ST14: variants seen among roughly 807,000 people sequenced by gnomAD.
ST14 encodes suppressor of tumorigenicity 14 protein.
In ST14, 40 loss-of-function variants were observed where a neutral mutation model predicts 96.5. The observed-to-expected ratio is 0.41, with a 90% confidence interval of 0.32 to 0.54. ST14 has a LOEUF of 0.54. ST14 is among the 20% of genes least tolerant of loss of function. The pLI is 0.17. For missense variants in ST14, 1,066 were observed against 1,188.9 expected (o/e 0.90, Z 1.52); for synonymous variants, 506 against 492.1 (o/e 1.03, Z -0.37).
At position 130,187,998 on chromosome 11, in the gene ST14, C is replaced by T; in HGVS notation, c.82-116C>T. Reference sequence around the variant, plus strand: ...TGGGGGAAGCCCCCTTCTTCTCACCCAAGCCCCTGCTTTCTTCTCCAAGCT... The same window carrying T: ...TGGGGGAAGCCCCCTTCTTCTCACCTAAGCCCCTGCTTTCTTCTCCAAGCT... On this transcript the variant is annotated intron_variant, in intron 1 of 18. Coordinates refer to ENST00000278742, the MANE Select transcript of ST14 (RefSeq NM_021978.4). This position sits in a 1 kb window ranked among gnomAD's most constrained non-coding sequence, Gnocchi z 4.5. 3 of 1,441,158 alleles carry T rather than the reference C, an allele frequency of 2.1e-6. No homozygotes were observed. Among genetic ancestry groups the T allele is most frequent in the South Asian group, 2.5e-5 (2 of 80,708 alleles). The allele number at this position is 1,441,158 out of a possible 1,614,324, so 89.3% of individuals were successfully genotyped here. A position where few individuals can be genotyped will look rare whatever the true frequency, so the allele number is the denominator to read the frequency against.
intron 4 of ST14, 59 bp from the exon 5 acceptor site, chr11:130,189,680 G>GGC (rs1285548932): frequency 6.3e-6 from 10 of 1,598,504 alleles, no homozygotes; most frequent in African/African-American, 1.3e-5. Flanking sequence ...AGTCGCTCTG[G>GGC]GCGCACGTGG....
At chr11:130,164,566 G>A (rs1253461244) in intron 1 of ST14, among the ~76,000 whole-genome samples, 1 of 151,640 alleles carries the variant, frequency 6.6e-6, no homozygotes, top group Non-Finnish European at 1.5e-5. Flanking sequence ...CTACAGGTGG[G>A]CACCAGCACG....
intron 7 of ST14, among the ~76,000 whole-genome samples, chr11:130,193,861 GCGCCTTC>G: frequency 6.6e-6 from 1 of 151,332 alleles, no homozygotes; most frequent in African/African-American, 2.4e-5. Flanking sequence ...TTTATCACTA[GCGCCTTC>G]CATCAGTGAT....
chr11:130,192,777 T>C (rs1204244841), intron 7 of ST14, among the ~76,000 whole-genome samples: 1 of 152,224 alleles, frequency 6.6e-6, no homozygotes, highest in African/African-American at 2.4e-5. Flanking sequence ...TCTCATTACC[T>C]GCTTTAACAA....
At chr11:130,196,476 C>T (rs776309558) in intron 10 of ST14, 28 bp downstream of exon 10, 19 of 1,595,426 alleles carry the variant, frequency 1.2e-5, no homozygotes, top group Admixed American at 5.2e-5. Context: ...TGGGGGCTGC[C>T]GGGCCCATGC....
chr11:130,202,382 A>C (rs1281727844), intron 16 of ST14, among the ~76,000 whole-genome samples: 1 of 152,198 alleles, frequency 6.6e-6, no homozygotes, highest in African/African-American at 2.4e-5. Flanking sequence ...GGTAGGGACA[A>C]GACATGACAC....
intron 1 of ST14, among the ~76,000 whole-genome samples, chr11:130,165,929 A>C (rs1039694098): frequency 8.5e-5 from 13 of 152,204 alleles, no homozygotes; most frequent in Non-Finnish European, 1.0e-4. Flanking sequence ...TGTGTTCCTG[A>C]GATGATGGTG....
intron 9 of ST14, among the ~76,000 whole-genome samples, chr11:130,195,576 C>T (rs1001707178): frequency 3.1e-4 from 47 of 152,080 alleles, no homozygotes; most frequent in African/African-American, 1.1e-3. Context: ...CCAGGAGGGC[C>T]GGGCGCAGTG....
In ST14 at chr11:130,163,598, G is replaced by A. The variant is rs138255868; in HGVS notation, c.81+3538G>A. ...TTTTTTGTTCTCTAGAGCATGTGCT[G>A]GGCAGGTGTGTGCAGTGGGTGAGGA... On this transcript the variant is annotated intron_variant, in intron 1 of 18. Coordinates refer to ENST00000278742, the MANE Select transcript of ST14 (RefSeq NM_021978.4). Among the ~76,000 whole-genome samples, 9 of 152,248 alleles carry A rather than the reference G, an allele frequency of 5.9e-5. No homozygotes were observed. In the East Asian group the frequency reaches 1.5e-3, roughly 26 times the overall value.
Position 130,160,876 on chromosome 11 carries a change from A to G in ST14, c.81+816A>G, listed in dbSNP as rs555967318. Among the ~76,000 whole-genome samples, 32 of 152,296 alleles carry G rather than the reference A, an allele frequency of 2.1e-4. No individual in the cohort carries two copies. In the East Asian group the frequency reaches 6.2e-3, roughly 29 times the overall value. ...GGTCTCTACCCTCTCTGTCCAAGGC[A>G]GACCCCCAGGTTTCCTGGAAGGCCA... On this transcript the variant is annotated intron_variant, in intron 1 of 18. Coordinates refer to ENST00000278742, the MANE Select transcript of ST14 (RefSeq NM_021978.4).
At chr11:130,174,583 A>T (rs1953119826) in intron 1 of ST14, among the ~76,000 whole-genome samples, 1 of 152,166 alleles carries the variant, frequency 6.6e-6, no homozygotes, top group South Asian at 2.1e-4. Flanking sequence ...AAGTAACTCC[A>T]TCTTAGAAAA....
At chr11:130,197,418 T>C (rs1410222629) in intron 11 of ST14, among the ~76,000 whole-genome samples, 2 of 152,260 alleles carry the variant, frequency 1.3e-5, no homozygotes, top group Non-Finnish European at 2.9e-5. Flanking sequence ...AAGTGCGCGA[T>C]GCCGCACTAC....
intron 1 of ST14, among the ~76,000 whole-genome samples, chr11:130,163,552 A>G (rs1178595737): frequency 6.6e-6 from 1 of 152,206 alleles, no homozygotes; most frequent in Non-Finnish European, 1.5e-5. Context: ...CTGTGCCCAC[A>G]TAAAACTTTA....
chr11:130,188,792 G>A lies in ST14; in HGVS notation c.370-77G>A. On this transcript the variant is annotated intron_variant, in intron 3 of 18. Coordinates refer to ENST00000278742, the MANE Select transcript of ST14 (RefSeq NM_021978.4). The surrounding 1 kb of genome is among the most constrained non-coding windows in gnomAD (Gnocchi z 5.4). ...ATCTGCAAAGGGGACCCGGGCCCTG[G>A]AGGGGAGGGAGCAGCCCGGGCTTGG... 1 of 1,604,176 alleles carries A rather than the reference G, an allele frequency of 6.2e-7. No homozygotes were observed. Among genetic ancestry groups the A allele is most frequent in the South Asian group, 1.1e-5 (1 of 90,480 alleles).
intron 16 of ST14, among the ~76,000 whole-genome samples, chr11:130,202,724 G>T (rs1260123345): frequency 6.6e-6 from 1 of 152,226 alleles, no homozygotes; most frequent in Non-Finnish European, 1.5e-5. Context: ...GCGGTTAAAT[G>T]CACAGGCTGC....
intron 9 of ST14, among the ~76,000 whole-genome samples, chr11:130,195,459 G>A (rs1369937749): frequency 6.6e-6 from 1 of 152,122 alleles, no homozygotes; most frequent in African/African-American, 2.4e-5. Flanking sequence ...TCTCAGAGGC[G>A]CCGTCAGGAA....
intron 14 of ST14, 59 bp downstream of exon 14, chr11:130,198,680 T>G: frequency 1.3e-6 from 2 of 1,505,234 alleles, no homozygotes; most frequent in Non-Finnish European, 1.8e-6. Flanking sequence ...GAGGCTGCCC[T>G]GAGCACACGC....
In ST14 at chr11:130,159,882, C is replaced by A. The variant is rs1168022106; in HGVS notation, c.-98C>A. On this transcript the variant is annotated 5_prime_UTR_variant, in exon 1 of 19. Coordinates refer to ENST00000278742, the MANE Select transcript of ST14 (RefSeq NM_021978.4). ...CGGGCGCGCTGGGCCTGCCCGGAAT[C>A]CCGCCGCCTGCGCCCCGCGCCCCGC... The A allele has an allele frequency of 7.3e-6, 5 of 682,980 alleles. No individual in the cohort carries two copies. The highest frequency in any genetic ancestry group is 9.9e-6 in the Non-Finnish European group (5 of 504,870). 42.3% of individuals were successfully genotyped at this position (682,980 alleles called of 1,614,324 possible). A position where few individuals can be genotyped will look rare whatever the true frequency, so the allele number is the denominator to read the frequency against.
Position 130,188,122 on chromosome 11 carries a change from T to C in ST14, c.90T>C (p.Asn30=), listed in dbSNP as rs755084109. Residue 30 remains asparagine (N), a synonymous_variant, in exon 2 of 19, where the codon AAT becomes AAC. Coordinates refer to ENST00000278742, the MANE Select transcript of ST14 (RefSeq NM_021978.4). The surrounding 1 kb of genome is among the most constrained non-coding windows in gnomAD (Gnocchi z 5.4). The part of the protein sequence containing the change: ...LKYNSRHEKV[N]GLEEGVEFLP... ...CGCCTCTCTCCCTGCAGAAAGTGAA[T>C]GGCTTGGAGGAAGGCGTGGAGTTCC... 48 of 1,613,854 alleles carry C rather than the reference T, an allele frequency of 3.0e-5. No homozygotes were observed. In the Admixed American group the frequency reaches 5.0e-4, roughly 17 times the overall value.
Sources: allele counts gnomAD v4.1 joint callset (sites outside exome capture counted in the v4.1 genomes callset), GRCh38; gene constraint gnomAD v4.1.1; non-coding constraint Gnocchi (gnomAD v3.1); transcripts MANE v1.5; gene names NCBI Gene and HGNC (gene_info 2026-07-23, HGNC 2026-07-21).